Variants in ANKRD55 observed in about 807,000 individuals in gnomAD.
ANKRD55 encodes the protein ankyrin repeat domain 55, also known as ankyrin repeat domain-containing protein 55.
Under a neutral mutation model 60.6 loss-of-function variants are expected in ANKRD55, and 41 were observed. The observed-to-expected ratio is 0.68, with a 90% CI of 0.53 to 0.88. The LOEUF (loss-of-function observed/expected upper bound fraction) is 0.88. ANKRD55 is among the 40% of genes least tolerant of loss of function. ANKRD55 has a pLI of 0.00. For missense variants in ANKRD55, 732 were observed against 767.6 expected (o/e 0.95, Z 0.55); for synonymous variants, 264 against 290.3 (o/e 0.91, Z 0.92).
chr5:56,111,763 G>A lies in ANKRD55; in HGVS notation c.985C>T (p.Pro329Ser). The change falls in exon 10 of 12, where the codon CCT becomes TCT. Residue 329 changes from proline to serine, a missense_variant. Transcript: ENST00000341048. The stretch of plus-strand genomic sequence containing the variant: ...TGGGGCCGACTGCTCTGGGAGGGAG[G>A]GGGTCGAGTAGGCTCTGTTCTATGC... ...QESRTEPTRP[P>S]PSQSSRPQKK... The A allele has an allele frequency of 1.3e-6, 2 of 1,512,504 alleles. No homozygotes were observed. The highest frequency in any genetic ancestry group is 2.4e-5 in the Admixed American group (1 of 42,028). 93.7% of individuals were successfully genotyped at this position (1,512,504 alleles called of 1,614,324 possible). A position where few individuals can be genotyped will look rare whatever the true frequency, so the allele number is the denominator to read the frequency against.
At chr5:56,208,171 G>T (rs1322453128) in intron 2 of ANKRD55, among the ~76,000 whole-genome samples, 2 of 151,662 alleles carry the variant, frequency 1.3e-5, no homozygotes, top group African/African-American at 4.8e-5. Context: ...TTCACATCTT[G>T]TCCCACTGGA....
intron 2 of ANKRD55, among the ~76,000 whole-genome samples, chr5:56,186,322 C>T (rs1758972474): frequency 6.6e-6 from 1 of 152,172 alleles, no homozygotes; most frequent in African/African-American, 2.4e-5. Context: ...CATGCACCAC[C>T]ACGCCCAGCT....
At chr5:56,115,240 G>A (rs930615422) in intron 9 of ANKRD55, among the ~76,000 whole-genome samples, 6 of 114,618 alleles carry the variant, frequency 5.2e-5, no homozygotes, top group Admixed American at 4.4e-4. Flanking sequence ...AAATAAATAA[G>A]CAAACCCCCA....
intron 11 of ANKRD55, among the ~76,000 whole-genome samples, chr5:56,101,557 TTTA>T (rs1756275554): frequency 6.6e-6 from 1 of 152,096 alleles, no homozygotes; most frequent in African/African-American, 2.4e-5. Flanking sequence ...TAAAACTTGC[TTTA>T]TTATTATTAT....
At chr5:56,109,304 G>T (rs774982845) in intron 10 of ANKRD55, among the ~76,000 whole-genome samples, 5 of 152,136 alleles carry the variant, frequency 3.3e-5, no homozygotes, top group Non-Finnish European at 2.9e-5. Flanking sequence ...GTGGACAGTG[G>T]TTACTCAGAT....
At chr5:56,140,308 A>G (rs1057503641) in intron 7 of ANKRD55, among the ~76,000 whole-genome samples, 1 of 152,238 alleles carries the variant, frequency 6.6e-6, no homozygotes, top group East Asian at 1.9e-4. Flanking sequence ...TTTGCAGTAT[A>G]AATGGCAGAG....
intron 5 of ANKRD55, among the ~76,000 whole-genome samples, chr5:56,166,156 T>TTC (rs1561277875): frequency 0.015 from 1,287 of 85,506 alleles, 92 homozygotes; most frequent in African/African-American, 0.034. Flanking sequence ...CTTTCTTTCT[T>TTC]CTTTCCTTCC....
At position 56,111,456 on chromosome 5, in the gene ANKRD55, G is replaced by C. The variant is rs780661444; in HGVS notation, c.1292C>G (p.Pro431Arg). The C allele has an allele frequency of 6.2e-7, 1 of 1,614,152 alleles. No individual in the cohort carries two copies. Among genetic ancestry groups the C allele is most frequent in the Non-Finnish European group, 8.5e-7 (1 of 1,180,016 alleles). Residue 431 changes from proline to arginine, a missense_variant, in exon 10 of 12, where the codon CCA (proline) becomes CGA (arginine). Around this residue, in one of 3 missense-constraint regions of ANKRD55, gnomAD observed 597 missense variants for 607.5 expected, o/e 0.98. Coordinates refer to ENST00000341048, the MANE Select transcript of ANKRD55 (RefSeq NM_024669.3). ...KKPLARKGLP[P>R]IRTQSLPPIT... ...GGGTGGGAGACTCTGCGTTCTGATT[G>C]GTGGAAGCCCCTTACGGGCCAGCGG...
At chr5:56,212,528 A>T (rs988148293) in intron 2 of ANKRD55, among the ~76,000 whole-genome samples, 1 of 152,230 alleles carries the variant, frequency 6.6e-6, no homozygotes, top group Admixed American at 6.5e-5. Context: ...TTAATAGCTA[A>T]CTTTTACAGA....
chr5:56,154,728 A>G (rs975174348), intron 6 of ANKRD55, among the ~76,000 whole-genome samples: 1 of 152,004 alleles, frequency 6.6e-6, no homozygotes, highest in African/African-American at 2.4e-5. Context: ...AGCTGGGGCT[A>G]CAGGCATGAG....
At chr5:56,134,946 T>C (rs1428033732) in intron 7 of ANKRD55, among the ~76,000 whole-genome samples, 4 of 152,196 alleles carry the variant, frequency 2.6e-5, no homozygotes, top group Non-Finnish European at 5.9e-5. Context: ...TAGCTCAACA[T>C]TTTCAAATCA....
In ANKRD55 at chr5:56,174,493, A is replaced by G. The variant is rs1758693094; in HGVS notation, c.312+1659T>C. On this transcript the variant is annotated intron_variant, in intron 4 of 11. Coordinates refer to ENST00000341048, the MANE Select transcript of ANKRD55 (RefSeq NM_024669.3). ...GGCATGTGCTAGAAGGGAGGGGGCT[A>G]GGAGGACAGCCATATGTCTGTCTGA... Among the ~76,000 whole-genome samples, 8 of 152,160 alleles carry G rather than the reference A, an allele frequency of 5.3e-5. No homozygotes were observed. The South Asian group carries it at 1.7e-3, about 32-fold the overall frequency.
rs953115974 is a variant in ANKRD55, at chr5:56,111,317, C to A, written c.1431G>T (p.Gln477His). The A allele has an allele frequency of 6.2e-7, 1 of 1,614,114 alleles. No homozygotes were observed. Residue 477 changes from glutamine (Q) to histidine (H), a missense_variant, in exon 10 of 12, where the codon CAG becomes CAT. Transcript: ENST00000341048. ...AGCCAGTTCTGTTATTTAATAAATC[C>A]TGCTCACTTCGACTTTTCTGAGATC... ...AQRSQKSRSE[Q>H]DLLNNRTGCQ...
At chr5:56,217,086 G>A (rs1030175387) in intron 2 of ANKRD55, among the ~76,000 whole-genome samples, 1 of 152,340 alleles carries the variant, frequency 6.6e-6, no homozygotes, top group African/African-American at 2.4e-5. Context: ...GTTGAAGCCA[G>A]TGCTCATTTA....
intron 2 of ANKRD55, chr5:56,192,939 C>T: frequency 1.6e-6 from 1 of 633,598 alleles, no homozygotes; most frequent in Non-Finnish European, 2.7e-6. Context: ...GACTTCCGTG[C>T]TGTGGGATTG....
intron 6 of ANKRD55, among the ~76,000 whole-genome samples, chr5:56,144,594 T>C (rs1037758643): frequency 1.3e-5 from 2 of 152,190 alleles, no homozygotes; most frequent in Non-Finnish European, 2.9e-5. Context: ...TAACTGTCTC[T>C]GCATAACACA....
intron 2 of ANKRD55, chr5:56,192,428 G>A: frequency 5.2e-6 from 1 of 191,090 alleles, no homozygotes; most frequent in Non-Finnish European, 1.1e-5. Context: ...CTAGCGGCCA[G>A]GAGCCACTTC....
intron 10 of ANKRD55, chr5:56,110,709 A>T: frequency 4.9e-6 from 1 of 205,296 alleles, no homozygotes; most frequent in Non-Finnish European, 9.9e-6. Flanking sequence ...CTGTTCCCTC[A>T]CCAAGATTTT....
chr5:56,218,654 A>T (rs6859894), intron 2 of ANKRD55, among the ~76,000 whole-genome samples: 14,985 of 152,246 alleles, frequency 0.098, 1,312 homozygotes, highest in African/African-American at 0.24. Context: ...TGTGTAACTC[A>T]CTTTTTGCAA....
Sources: gnomAD v4.1 joint callset for allele counts (sites outside exome capture counted in the v4.1 genomes callset) on GRCh38, gnomAD v4.1.1 for gene constraint, gnomAD v4.1.1 regional missense constraint, MANE v1.5 for transcripts, NCBI Gene and HGNC (gene_info 2026-07-23, HGNC 2026-07-21) for gene names.